The following ACAD11 variants were observed in gnomAD, a reference collection of about 807,000 sequenced individuals.
ACAD11 encodes acyl-Coenzyme A dehydrogenase family, member 11.
A neutral mutation model predicts 102.2 loss-of-function variants in ACAD11; 83 were observed. The ratio of observed to expected loss-of-function variants is 0.81; its 90% CI spans 0.68 to 0.97. The LOEUF is 0.97. ACAD11 is among the 50% of genes least tolerant of loss of function. The pLI is 0.00. For synonymous variants in ACAD11, 324 were observed against 319.8 expected (o/e 1.01, Z -0.14); for missense variants, 901 against 951.7 (o/e 0.95, Z 0.70).
At chr3:132,631,736 C>T (rs976977747) in intron 5 of ACAD11, among the ~76,000 whole-genome samples, 2 of 152,134 alleles carry the variant, frequency 1.3e-5, no homozygotes, top group African/African-American at 4.8e-5. Flanking sequence ...TGCTAATGAG[C>T]AGATGCAAAA....
At chr3:132,648,694 T>C (rs1940808566) in intron 1 of ACAD11, 1 of 152,246 alleles carries the variant, frequency 6.6e-6, no homozygotes, top group Non-Finnish European at 1.5e-5. Flanking sequence ...GTGGAAATCA[T>C]GACTAGTGGA....
intron 1 of ACAD11, chr3:132,647,479 A>G (rs1397356955): frequency 6.6e-6 from 1 of 152,234 alleles, no homozygotes; most frequent in Non-Finnish European, 1.5e-5. Context: ...ACTTGGTTAG[A>G]GAAGACTTTA....
intron 1 of ACAD11, chr3:132,650,512 A>T (rs976960287): frequency 9.2e-5 from 14 of 152,230 alleles, no homozygotes; most frequent in African/African-American, 3.4e-4. Context: ...TTAAAAAATC[A>T]TACTTGGGCT....
In ACAD11 at chr3:132,641,581, A is replaced by T. The variant is rs1170495724; in HGVS notation, c.537+391T>A. On this transcript the variant is annotated intron_variant, in intron 4 of 19. Coordinates refer to ENST00000264990, the MANE Select transcript of ACAD11 (RefSeq NM_032169.5). The stretch of plus-strand genomic sequence containing the variant: ...ATGATGAAGAAGAAGAAGAAGAAGA[A>T]GAAGAAGAAGAAGAAGAAGAAGAGG... Among the ~76,000 whole-genome samples, 3 of 147,646 alleles carry T rather than the reference A, an allele frequency of 2.0e-5. No individual in the cohort carries two copies. The East Asian group carries it at 6.8e-4, about 33-fold the overall frequency.
At chr3:132,656,401 G>C (rs1937802882) in intron 1 of ACAD11, among the ~76,000 whole-genome samples, 1 of 152,038 alleles carries the variant, frequency 6.6e-6, no homozygotes, top group Admixed American at 6.5e-5. Flanking sequence ...ATTTTTACAA[G>C]ATCATGTTGA....
At chr3:132,569,354 G>C (rs1937311413) in intron 17 of ACAD11, among the ~76,000 whole-genome samples, 1 of 152,100 alleles carries the variant, frequency 6.6e-6, no homozygotes, top group Non-Finnish European at 1.5e-5. Flanking sequence ...AGGGGATGTG[G>C]AGAAACTGAA....
At chr3:132,560,379 T>C (rs1053057416) in intron 18 of ACAD11, among the ~76,000 whole-genome samples, 7 of 152,164 alleles carry the variant, frequency 4.6e-5, no homozygotes, top group African/African-American at 1.4e-4. Flanking sequence ...ATGAAACATT[T>C]ACTATGTAGC....
intron 17 of ACAD11, among the ~76,000 whole-genome samples, chr3:132,567,122 G>A (rs751146203): frequency 2.6e-5 from 4 of 151,958 alleles, no homozygotes; most frequent in Non-Finnish European, 5.9e-5. Context: ...GGGGTTACAG[G>A]CACACGCCAC....
chr3:132,638,781 T>G (rs1440835660), intron 5 of ACAD11, among the ~76,000 whole-genome samples: 1 of 152,114 alleles, frequency 6.6e-6, no homozygotes, highest in African/African-American at 2.4e-5. Flanking sequence ...AATCTCAGGG[T>G]AGATAATTAA....
At chr3:132,582,338 T>G (rs1338027090) in intron 13 of ACAD11, among the ~76,000 whole-genome samples, 2 of 128,478 alleles carry the variant, frequency 1.6e-5, no homozygotes, top group Non-Finnish European at 3.2e-5. Flanking sequence ...ACAGAAACTG[T>G]TAAAAAAAAA....
chr3:132,582,828 G>T (rs1353968896), intron 13 of ACAD11, among the ~76,000 whole-genome samples: 2 of 152,094 alleles, frequency 1.3e-5, no homozygotes, highest in Non-Finnish European at 2.9e-5. Flanking sequence ...AACTTGAATT[G>T]TAAGCCTGCT....
chr3:132,634,815 A>T (rs2107872614), intron 5 of ACAD11, among the ~76,000 whole-genome samples: 1 of 151,382 alleles, frequency 6.6e-6, no homozygotes, highest in Admixed American at 6.6e-5. Context: ...ACAAAAAACC[A>T]AACACCACAT....
At chr3:132,614,224 A>G (rs1157369600) in intron 11 of ACAD11, among the ~76,000 whole-genome samples, 1 of 152,210 alleles carries the variant, frequency 6.6e-6, no homozygotes, top group Admixed American at 6.5e-5. Flanking sequence ...GGAAGAATCA[A>G]TATCATGAAA....
chr3:132,594,967 A>G (rs1938237910), intron 13 of ACAD11, among the ~76,000 whole-genome samples: 2 of 152,208 alleles, frequency 1.3e-5, no homozygotes, highest in Admixed American at 1.3e-4. Context: ...TATATCAATG[A>G]ACAAAGCAAA....
intron 11 of ACAD11, among the ~76,000 whole-genome samples, chr3:132,614,467 C>T (rs767007494): frequency 3.4e-4 from 51 of 152,106 alleles, no homozygotes; most frequent in African/African-American, 1.1e-3. Flanking sequence ...GTACTGGTAC[C>T]GAAATAGATA....
At position 132,641,961 on chromosome 3, in the gene ACAD11, G is replaced by T. The variant is rs202134750; in HGVS notation, c.537+11C>A. ...ACTTGAAAAAAATAGCTATTAATGTGGATGCATTACCTGTCTTTTGCAGTA... is the reference window on the plus strand; with the variant it reads ...ACTTGAAAAAAATAGCTATTAATGTTGATGCATTACCTGTCTTTTGCAGTA... On this transcript the variant is annotated intron_variant, in intron 4 of 19. Coordinates refer to ENST00000264990, the MANE Select transcript of ACAD11 (RefSeq NM_032169.5). The T allele has an allele frequency of 1.3e-6, 2 of 1,585,036 alleles. No homozygotes were observed. Among genetic ancestry groups the T allele is most frequent in the Admixed American group, 3.5e-5 (2 of 57,216 alleles).
At chr3:132,652,801 A>T (rs1940978714) in intron 1 of ACAD11, among the ~76,000 whole-genome samples, 1 of 152,156 alleles carries the variant, frequency 6.6e-6, no homozygotes, top group African/African-American at 2.4e-5. Flanking sequence ...GGGTAGCTTC[A>T]GCCTGATCTC....
Position 132,593,345 on chromosome 3 carries a change from A to G in ACAD11, c.1621+9884T>C, listed in dbSNP as rs148182848. On this transcript the variant is annotated intron_variant, in intron 13 of 19. Coordinates refer to ENST00000264990, the MANE Select transcript of ACAD11 (RefSeq NM_032169.5). ...AACACAATTGCAAAAAGAGGAAATA[A>G]GAATAATAAAAGAGATTTTTAAAAT... Among the ~76,000 whole-genome samples, 819 of 152,314 alleles carry G rather than the reference A, an allele frequency of 5.4e-3. 10 individuals carry two copies. The highest frequency in any genetic ancestry group is 0.019 in the African/African-American group (782 of 41,568).
chr3:132,636,110 A>G (rs1185995469), intron 5 of ACAD11, among the ~76,000 whole-genome samples: 1 of 152,192 alleles, frequency 6.6e-6, no homozygotes. Flanking sequence ...AAAGCTATAA[A>G]ACAACAGCCA....
Sources: allele counts gnomAD v4.1 joint callset (sites outside exome capture counted in the v4.1 genomes callset), GRCh38; gene constraint gnomAD v4.1.1; transcripts MANE v1.5; gene names NCBI Gene and HGNC (gene_info 2026-07-23, HGNC 2026-07-21).